The following GLYAT variants were observed in gnomAD, a reference collection of about 807,000 sequenced individuals.
GLYAT encodes the protein glycine N-acyltransferase.
A neutral mutation model predicts 22.8 loss-of-function variants in GLYAT; 25 were observed. The ratio of observed to expected loss-of-function variants is 1.09; its 90% CI spans 0.80 to 1.53. The LOEUF (loss-of-function observed/expected upper bound fraction) is 1.53. Ranked by LOEUF, GLYAT falls within the 40% of genes most tolerant of loss-of-function variation. The pLI is 0.00. For missense variants in GLYAT, 411 were observed against 353.9 expected, an observed-to-expected ratio of 1.16 and a Z score of -1.29; for synonymous variants, 140 against 122.7, an observed-to-expected ratio of 1.14 and a Z score of -0.93.
intron 1 of GLYAT, among the ~76,000 whole-genome samples, chr11:58,728,475 A>G (rs1456329972): frequency 1.3e-5 from 2 of 152,120 alleles, no homozygotes; most frequent in Middle Eastern, 3.2e-3. Flanking sequence ...GTTGCTGCAG[A>G]CCCATAAGAA....
In GLYAT at chr11:58,711,063, T is replaced by A. The variant is rs75284027; in HGVS notation, c.317-302A>T. On this transcript the variant is annotated intron_variant, in intron 4 of 5. Transcript: ENST00000344743. ...ATAATAAAGAAATCAATGTACTTTG[T>A]GTTCTTAGCTCCCACAGTTTAGCCT... Among the ~76,000 whole-genome samples the A allele has an allele frequency of 4.2e-3, 636 of 152,324 alleles. 4 individuals carry two copies. The highest frequency in any genetic ancestry group is 0.014 in the African/African-American group (599 of 41,572).
chr11:58,731,278 C>T (rs1335980431), intron 1 of GLYAT, among the ~76,000 whole-genome samples: 1 of 152,184 alleles, frequency 6.6e-6, no homozygotes, highest in Non-Finnish European at 1.5e-5. Flanking sequence ...TCTGGTGTCT[C>T]CACACACTCA....
At chr11:58,717,942 T>G in intron 2 of GLYAT, among the ~76,000 whole-genome samples, 1 of 152,046 alleles carries the variant, frequency 6.6e-6, no homozygotes, top group East Asian at 1.9e-4. Flanking sequence ...TACCTATGAG[T>G]TGGATGAATT....
chr11:58,730,354 C>T (rs571595823), intron 1 of GLYAT, among the ~76,000 whole-genome samples: 38 of 152,200 alleles, frequency 2.5e-4, no homozygotes, highest in African/African-American at 8.7e-4. Context: ...ACACCTGTAG[C>T]CCTAGCTACT....
At position 58,716,961 on chromosome 11, in the gene GLYAT, G is replaced by A. The variant is rs891791441; in HGVS notation, c.82-1538C>T. Among the ~76,000 whole-genome samples the A allele has an allele frequency of 2.6e-5, 4 of 152,156 alleles. No individual in the cohort carries two copies. The East Asian group carries it at 7.7e-4, about 29-fold the overall frequency. On this transcript the variant is annotated intron_variant, in intron 2 of 5. Transcript: ENST00000344743. The stretch of plus-strand genomic sequence containing the variant: ...ACTTGAAGTGGGGAAGAAGCTTTCA[G>A]GTCACAGATAGGTGAGACACAAATG...
intron 2 of GLYAT, among the ~76,000 whole-genome samples, chr11:58,723,437 G>A (rs149280031): frequency 6.6e-6 from 1 of 152,036 alleles, no homozygotes; most frequent in African/African-American, 2.4e-5. Flanking sequence ...TTGTCTCAAT[G>A]CATCTCTGAT....
intron 3 of GLYAT, among the ~76,000 whole-genome samples, chr11:58,714,211 T>C (rs1856651333): frequency 6.6e-6 from 1 of 152,104 alleles, no homozygotes. Context: ...GAAACTTCAG[T>C]TATAATAGTT....
intron 1 of GLYAT, among the ~76,000 whole-genome samples, chr11:58,728,168 T>C (rs1414266114): frequency 7.1e-6 from 1 of 140,322 alleles, no homozygotes; most frequent in East Asian, 2.3e-4. Context: ...GTTCAAGCAA[T>C]TTTCCTGCCT....
chr11:58,712,957 G>C, intron 3 of GLYAT, 71 bp from the exon 4 acceptor site: 1 of 963,634 alleles, frequency 1.0e-6, no homozygotes, highest in Non-Finnish European at 1.5e-6. Flanking sequence ...TTTATACTGT[G>C]ATATTTCTAA....
intron 2 of GLYAT, among the ~76,000 whole-genome samples, chr11:58,721,673 C>T (rs567292922): frequency 6.6e-6 from 1 of 152,040 alleles, no homozygotes; most frequent in South Asian, 2.1e-4. Flanking sequence ...AATCTTATTA[C>T]CATATTTCAG....
chr11:58,715,669 G>A lies in GLYAT; in HGVS notation c.82-246C>T, dbSNP rs75909902. 6.6e-3 allele frequency among the ~76,000 whole-genome samples: 1,008 copies of A among 152,128 alleles called. 11 individuals are homozygous for A. The highest frequency in any genetic ancestry group is 0.023 in the African/African-American group (971 of 41,534). On this transcript the variant is annotated intron_variant, in intron 2 of 5. Coordinates refer to ENST00000344743, the MANE Select transcript of GLYAT (RefSeq NM_201648.3). ...GAGCCTTTAGATTAAACAGATTTTTGTTCAATAATAAAATTACTGATATTT... is the reference window on the plus strand; with the variant it reads ...GAGCCTTTAGATTAAACAGATTTTTATTCAATAATAAAATTACTGATATTT...
At chr11:58,724,170 A>G (rs1055674081) in intron 2 of GLYAT, 2 of 392,666 alleles carry the variant, frequency 5.1e-6, no homozygotes, top group Non-Finnish European at 9.1e-6. Flanking sequence ...AACTATGTTC[A>G]TATCATAGCA....
Position 58,712,846 on chromosome 11 carries a change from T to G in GLYAT, c.230A>C (p.Gln77Pro). 6.2e-7 allele frequency: 1 copy of G among 1,607,090 alleles called. No homozygotes were observed. Among genetic ancestry groups the G allele is most frequent in the South Asian group, 1.1e-5 (1 of 90,970 alleles). ...GTTTTGGGGATCTTTGGAGTAGATT[T>G]GGTAAGTATTGGTATAGTGATCAAG... Reference protein sequence around the residue: ...DDLDHYTNTYQIYSKDPQNCQ... With the variant: ...DDLDHYTNTYPIYSKDPQNCQ... Residue 77 changes from glutamine (Q) to proline (P), a missense_variant, in exon 4 of 6, where the codon CAA becomes CCA. By Grantham distance (76) the Gln-to-Pro change is moderately conservative (BLOSUM62 -1). Coordinates refer to ENST00000344743, the MANE Select transcript of GLYAT (RefSeq NM_201648.3).
intron 4 of GLYAT, among the ~76,000 whole-genome samples, chr11:58,712,177 C>T (rs1856624199): frequency 6.6e-6 from 1 of 152,228 alleles, no homozygotes; most frequent in Non-Finnish European, 1.5e-5. Context: ...CAAACATTAA[C>T]TAATATGTCT....
chr11:58,715,512 A>G, intron 2 of GLYAT, 89 bp from the exon 3 acceptor site: 1 of 662,174 alleles, frequency 1.5e-6, no homozygotes, highest in Non-Finnish European at 2.7e-6. Context: ...TTATTTCTAT[A>G]AAATCATGAC....
At chr11:58,716,253 A>G (rs755632626) in intron 2 of GLYAT, among the ~76,000 whole-genome samples, 1 of 152,052 alleles carries the variant, frequency 6.6e-6, no homozygotes, top group Non-Finnish European at 1.5e-5. Flanking sequence ...GTCAGCATAG[A>G]TCTCGTGACC....
At chr11:58,717,042 A>G (rs1458503231) in intron 2 of GLYAT, among the ~76,000 whole-genome samples, 4 of 152,110 alleles carry the variant, frequency 2.6e-5, no homozygotes, top group Non-Finnish European at 5.9e-5. Flanking sequence ...TCAGATATAC[A>G]TCTTTCTTAG....
At chr11:58,725,530 T>G (rs1856802543) in intron 1 of GLYAT, among the ~76,000 whole-genome samples, 1 of 152,132 alleles carries the variant, frequency 6.6e-6, no homozygotes, top group Non-Finnish European at 1.5e-5. Context: ...AGAACATCAG[T>G]GAAAAGCCTT....
intron 1 of GLYAT, among the ~76,000 whole-genome samples, chr11:58,731,142 C>T (rs1329728175): frequency 6.6e-6 from 1 of 152,096 alleles, no homozygotes; most frequent in Non-Finnish European, 1.5e-5. Flanking sequence ...TAAATCTTGT[C>T]TGTATTCTTG....
Sources: allele counts gnomAD v4.1 joint callset (sites outside exome capture counted in the v4.1 genomes callset), GRCh38; gene constraint gnomAD v4.1.1; transcripts MANE v1.5; gene names NCBI Gene and HGNC (gene_info 2026-07-23, HGNC 2026-07-21).